MTUS2: variants seen among roughly 807,000 people sequenced by gnomAD.
MTUS2 encodes the protein microtubule-associated tumor suppressor candidate 2.
MTUS2 carries 40 observed loss-of-function variants against 114.1 expected under a neutral mutation model. The observed-to-expected ratio is 0.35, with a 90% CI of 0.27 to 0.46. The LOEUF is 0.46. Among genes scored for constraint, MTUS2 ranks in the 20% least tolerant of loss-of-function variants. The pLI is 1.00. For synonymous variants in MTUS2, 688 were observed against 672.0 expected (o/e 1.02, Z -0.37); for missense variants, 1,679 against 1,705.4 (o/e 0.98, Z 0.27).
intron 2 of MTUS2, among the ~76,000 whole-genome samples, chr13:28,974,032 C>A (rs1883976001): frequency 6.6e-6 from 1 of 152,168 alleles, no homozygotes; most frequent in African/African-American, 2.4e-5. Context: ...GTTCTTCACT[C>A]CTTCAGACGT....
chr13:28,888,618 C>G (rs895121241), intron 2 of MTUS2, among the ~76,000 whole-genome samples: 11 of 152,034 alleles, frequency 7.2e-5, no homozygotes, highest in African/African-American at 2.7e-4. Flanking sequence ...GACGGGGTTT[C>G]TCCATGTTGG....
At chr13:29,051,426 C>T (rs1273872174) in intron 4 of MTUS2, among the ~76,000 whole-genome samples, 1 of 152,114 alleles carries the variant, frequency 6.6e-6, no homozygotes, top group African/African-American at 2.4e-5. Flanking sequence ...GGAGTTTTCA[C>T]AGAGGTAATT....
At chr13:29,300,852 C>A (rs930476857) in intron 6 of MTUS2, among the ~76,000 whole-genome samples, 6 of 152,090 alleles carry the variant, frequency 3.9e-5, no homozygotes, top group Non-Finnish European at 7.4e-5. Flanking sequence ...CTATTCAAGC[C>A]ACTATAAAAA....
chr13:28,931,827 C>T (rs752703133), intron 2 of MTUS2, among the ~76,000 whole-genome samples: 3 of 152,070 alleles, frequency 2.0e-5, no homozygotes, highest in Non-Finnish European at 4.4e-5. Context: ...TATCCCTCCC[C>T]GCCTCCCCAC....
rs150997081 is a variant in MTUS2, at chr13:28,955,634, C to G, written c.-242-68823C>G. Among the ~76,000 whole-genome samples the G allele has an allele frequency of 3.5e-3, 526 of 152,274 alleles. 2 individuals are homozygous for G. Among genetic ancestry groups the G allele is most frequent in the African/African-American group, 0.012 (511 of 41,554 alleles). On this transcript the variant is annotated intron_variant, in intron 2 of 15. Coordinates refer to ENST00000612955, the MANE Select transcript of MTUS2 (RefSeq NM_001033602.4). The stretch of plus-strand genomic sequence containing the variant: ...TGAAATGAAAGCTTCATTTGTAAGC[C>G]AATCCTTTCTTACTCCCCCTCCCTT...
chr13:29,100,682 A>G (rs981550114), intron 4 of MTUS2, 91 bp from the exon 5 acceptor site: 58 of 1,405,966 alleles, frequency 4.1e-5, no homozygotes, highest in Non-Finnish European at 5.2e-5. Flanking sequence ...TCTGTTTATG[A>G]TAGAACTGGG....
intron 5 of MTUS2, among the ~76,000 whole-genome samples, chr13:29,170,891 A>G (rs1353275304): frequency 1.4e-5 from 2 of 141,012 alleles, no homozygotes; most frequent in Non-Finnish European, 3.1e-5. Context: ...TGATAAAAAC[A>G]TCTTTAAAAA....
intron 2 of MTUS2, among the ~76,000 whole-genome samples, chr13:28,846,053 A>AT (rs1555267184): frequency 4.8e-4 from 44 of 91,960 alleles, no homozygotes; most frequent in Non-Finnish European, 8.9e-4. Flanking sequence ...TCTTAAAAAA[A>AT]AAATATATAT....
In MTUS2 at chr13:28,970,868, G is replaced by A. The variant is rs113609758; in HGVS notation, c.-242-53589G>A. Among the ~76,000 whole-genome samples the A allele has an allele frequency of 2.6e-4, 40 of 152,280 alleles. 1 individual carries two copies. The highest frequency in any genetic ancestry group is 7.9e-4 in the African/African-American group (33 of 41,552). On this transcript the variant is annotated intron_variant, in intron 2 of 15. Transcript: ENST00000612955. ...CACATTGTCAGTGACCAGAGGAGACGCCGCACTCAGGGTTATAGGGTCCAC... is the reference window on the plus strand; with the variant it reads ...CACATTGTCAGTGACCAGAGGAGACACCGCACTCAGGGTTATAGGGTCCAC...
At chr13:29,262,536 G>A (rs1897512754) in intron 5 of MTUS2, among the ~76,000 whole-genome samples, 1 of 149,670 alleles carries the variant, frequency 6.7e-6, no homozygotes, top group South Asian at 2.1e-4. Flanking sequence ...AGAACTTTTT[G>A]TTCCCCCCTA....
intron 5 of MTUS2, among the ~76,000 whole-genome samples, chr13:29,267,655 T>C (rs973725750): frequency 2.6e-5 from 4 of 152,196 alleles, no homozygotes; most frequent in African/African-American, 9.7e-5. Flanking sequence ...GAAGATGGGC[T>C]GGGATTCTCT....
At chr13:28,999,388 T>G (rs3926786) in intron 2 of MTUS2, among the ~76,000 whole-genome samples, 152,311 of 152,312 alleles carry the variant, frequency 1, 76,155 homozygotes, top group Non-Finnish European at 1. Flanking sequence ...CAAGTTAAGT[T>G]CTGGGAGAAC....
intron 6 of MTUS2, among the ~76,000 whole-genome samples, chr13:29,299,488 G>A (rs1165104234): frequency 6.6e-6 from 1 of 152,198 alleles, no homozygotes; most frequent in African/African-American, 2.4e-5. Context: ...TCACAGGAGA[G>A]AGCAACATGA....
chr13:29,078,030 A>T (rs551900166), intron 4 of MTUS2, among the ~76,000 whole-genome samples: 1 of 152,252 alleles, frequency 6.6e-6, no homozygotes, highest in East Asian at 1.9e-4. Flanking sequence ...TTATTTTGAA[A>T]GAACAACACA....
At position 28,880,487 on chromosome 13, in the gene MTUS2, G is replaced by A. The variant is rs561484827; in HGVS notation, c.-243+40637G>A. Among the ~76,000 whole-genome samples, 121 of 152,296 alleles carry A rather than the reference G, an allele frequency of 7.9e-4. 1 individual carries two copies. Among genetic ancestry groups the A allele is most frequent in the Non-Finnish European group, 4.6e-4 (31 of 68,016 alleles). On this transcript the variant is annotated intron_variant, in intron 2 of 15. Coordinates refer to ENST00000612955, the MANE Select transcript of MTUS2 (RefSeq NM_001033602.4). ...GTGGTGTATTCATGCTAACAACTTA[G>A]ATGGTAACACAGTGTTTATCCATCA...
chr13:29,307,226 C>A, intron 6 of MTUS2: 1 of 585,532 alleles, frequency 1.7e-6, no homozygotes, highest in South Asian at 1.7e-5. Flanking sequence ...ATCAGCAATG[C>A]CTCCTGCACC....
chr13:29,457,519 C>A (rs900162325), intron 9 of MTUS2, among the ~76,000 whole-genome samples: 5 of 152,100 alleles, frequency 3.3e-5, no homozygotes, highest in Admixed American at 6.5e-5. Flanking sequence ...TAACTATACA[C>A]CACAATGCAT....
chr13:29,290,829 G>C (rs140603635), intron 6 of MTUS2, among the ~76,000 whole-genome samples: 140 of 152,282 alleles, frequency 9.2e-4, no homozygotes, highest in African/African-American at 3.2e-3. Flanking sequence ...CATATGTGCA[G>C]TCGTGGCTGT....
rs550188910 is a variant in MTUS2, at chr13:29,266,319, CAAGT to C, written c.2645-15381_2645-15378del. Among the ~76,000 whole-genome samples, 417 of 152,270 alleles carry C rather than the reference CAAGT, an allele frequency of 2.7e-3. 4 individuals carry two copies. The highest frequency in any genetic ancestry group is 6.8e-3 in the Middle Eastern group (2 of 294). On this transcript the variant is annotated intron_variant, in intron 5 of 15. Transcript: ENST00000612955. Reference sequence around the variant, plus strand: ...TAAGCAACTTGTCCAAAGTCAGACACAAGTAAGAGACAGAGCCAAGATCTGAACC... The same window carrying C: ...TAAGCAACTTGTCCAAAGTCAGACACAAGAGACAGAGCCAAGATCTGAACC...
Sources: gnomAD v4.1 joint callset for allele counts (sites outside exome capture counted in the v4.1 genomes callset) on GRCh38, gnomAD v4.1.1 for gene constraint, MANE v1.5 for transcripts, NCBI Gene and HGNC (gene_info 2026-07-23, HGNC 2026-07-21) for gene names.